SRPK2: variants seen among roughly 807,000 people sequenced by gnomAD.
The protein encoded by SRPK2 is SFRS protein kinase 2.
A neutral mutation model predicts 90.8 loss-of-function variants in SRPK2; 21 were observed. The observed-to-expected ratio is 0.23, with a 90% CI of 0.16 to 0.33. SRPK2 has a LOEUF of 0.33. Ranked by LOEUF, SRPK2 falls within the 10% of genes least tolerant of loss-of-function variation. The pLI, the probability that SRPK2 is intolerant of heterozygous loss-of-function variation, is 1.00. For synonymous variants in SRPK2, 288 were observed against 311.1 expected (o/e 0.93, Z 0.78); for missense variants, 620 against 869.0 (o/e 0.71, Z 3.60).
chr7:105,180,707 G>A (rs1457063900), intron 3 of SRPK2, among the ~76,000 whole-genome samples: 1 of 152,194 alleles, frequency 6.6e-6, no homozygotes, highest in African/African-American at 2.4e-5. Context: ...GCAGTGAGCC[G>A]AGATGGTGCC....
chr7:105,287,033 G>A (rs890955176), intron 2 of SRPK2, among the ~76,000 whole-genome samples: 2 of 151,686 alleles, frequency 1.3e-5, no homozygotes, highest in Admixed American at 6.6e-5. Flanking sequence ...AGGCCGAGGC[G>A]GGCGGATCAC....
At position 105,372,136 on chromosome 7, in the gene SRPK2, TAAAAAAAAAAA is replaced by T. The variant is rs55928342; in HGVS notation, c.71+16501_71+16511del. The stretch of plus-strand genomic sequence containing the variant: ...GGTGACAGAGCAAGACTCCAACTCA[TAAAAAAAAAAA>T]AAAAAAAAAAAAAAAGTTCTCTAGA... On this transcript the variant is annotated intron_variant, in intron 2 of 15. Coordinates refer to ENST00000393651, the MANE Select transcript of SRPK2 (RefSeq NM_182692.3). 9.1e-3 allele frequency among the ~76,000 whole-genome samples: 697 copies of T among 76,790 alleles called. 11 individuals carry two copies. In the East Asian group the frequency reaches 0.16, roughly 17 times the overall value. 50.4% of individuals were successfully genotyped at this position (76,790 alleles called of 152,430 possible).
chr7:105,128,979 A>AT (rs1310100722), intron 13 of SRPK2, among the ~76,000 whole-genome samples: 1 of 151,896 alleles, frequency 6.6e-6, no homozygotes, highest in African/African-American at 2.4e-5. Flanking sequence ...CAATGAAATA[A>AT]TTTTTTTTTG....
chr7:105,183,867 C>T lies in SRPK2; in HGVS notation c.230-14602G>A, dbSNP rs540119800. Among the ~76,000 whole-genome samples the T allele has an allele frequency of 2.0e-5, 3 of 152,130 alleles. No homozygotes were observed. The South Asian group carries it at 6.2e-4, about 32-fold the overall frequency. ...GAAACAAGCTGTTTTTTCTCATACACACAAATACAACTAAGTGTTCAACTT... is the reference window on the plus strand; with the variant it reads ...GAAACAAGCTGTTTTTTCTCATACATACAAATACAACTAAGTGTTCAACTT... On this transcript the variant is annotated intron_variant, in intron 3 of 15. Coordinates refer to ENST00000393651, the MANE Select transcript of SRPK2 (RefSeq NM_182692.3).
intron 2 of SRPK2, among the ~76,000 whole-genome samples, chr7:105,354,280 G>C (rs1817541349): frequency 6.6e-6 from 1 of 152,110 alleles, no homozygotes; most frequent in South Asian, 2.1e-4. Context: ...GACAGCTATG[G>C]GGCAAATTCC....
intron 6 of SRPK2, among the ~76,000 whole-genome samples, chr7:105,163,043 G>A (rs1451278921): frequency 2.0e-5 from 3 of 152,166 alleles, no homozygotes; most frequent in Non-Finnish European, 4.4e-5. Context: ...GAAAAAGGAC[G>A]AGGTAACATT....
At chr7:105,159,464 A>AAAAAAAAAAAAAAAAAAAAAAC (rs1807168874) in intron 7 of SRPK2, among the ~76,000 whole-genome samples, 6 of 141,594 alleles carry the variant, frequency 4.2e-5, no homozygotes, top group African/African-American at 1.8e-4. Flanking sequence ...AAAAAAAAAA[A>AAAAAAAAAAAAAAAAAAAAAAC]AAAAAAAAAC....
intron 2 of SRPK2, among the ~76,000 whole-genome samples, chr7:105,228,870 G>C (rs1468998892): frequency 6.6e-6 from 1 of 152,226 alleles, no homozygotes; most frequent in Non-Finnish European, 1.5e-5. Flanking sequence ...GCTCCCTCCT[G>C]CAAGCGCTGG....
intron 2 of SRPK2, among the ~76,000 whole-genome samples, chr7:105,352,895 A>G (rs1449141772): frequency 6.6e-6 from 1 of 151,830 alleles, no homozygotes; most frequent in African/African-American, 2.4e-5. Flanking sequence ...GCGAGACTCT[A>G]TCTCAAAAGA....
At chr7:105,232,231 C>T (rs371621464) in intron 2 of SRPK2, among the ~76,000 whole-genome samples, 2 of 152,042 alleles carry the variant, frequency 1.3e-5, no homozygotes, top group African/African-American at 2.4e-5. Context: ...CTTTGGGAGG[C>T]GGACAGATCA....
At position 105,347,231 on chromosome 7, in the gene SRPK2, T is replaced by C. The variant is rs185578919; in HGVS notation, c.71+41417A>G. 2.5e-3 allele frequency among the ~76,000 whole-genome samples: 381 copies of C among 152,062 alleles called. 3 individuals carry two copies. The highest frequency in any genetic ancestry group is 0.019 in the South Asian group (93 of 4,810). ...GACATGTGCCACCGCGCCCGGCTAA[T>C]TATTTAATTTAGTAGAGACAGGGTC... On this transcript the variant is annotated intron_variant, in intron 2 of 15. Coordinates refer to ENST00000393651, the MANE Select transcript of SRPK2 (RefSeq NM_182692.3).
Position 105,146,676 on chromosome 7 carries a change from AAG to A in SRPK2, c.622-20_622-19del, listed in dbSNP as rs1303679361. ...TGAAGGACCTGGATATAGTAAAATCAAGAGAGAAGATAAGCTATTAATATCTC... is the reference window on the plus strand; with the variant it reads ...TGAAGGACCTGGATATAGTAAAATCAAGAGAAGATAAGCTATTAATATCTC... On this transcript the variant is annotated intron_variant, in intron 7 of 15. Transcript: ENST00000393651. 1 of 1,612,254 alleles carries A rather than the reference AAG, an allele frequency of 6.2e-7. No individual in the cohort carries two copies.
intron 7 of SRPK2, among the ~76,000 whole-genome samples, chr7:105,147,547 G>A (rs1804831180): frequency 1.3e-5 from 2 of 152,068 alleles, no homozygotes; most frequent in Admixed American, 1.3e-4. Context: ...TCGAACTCCT[G>A]ACCTTGTGAT....
At chr7:105,367,322 G>A (rs1227853806) in intron 2 of SRPK2, among the ~76,000 whole-genome samples, 2 of 152,050 alleles carry the variant, frequency 1.3e-5, no homozygotes, top group Admixed American at 6.6e-5. Flanking sequence ...GAGTGCACTG[G>A]CATGATATTG....
intron 2 of SRPK2, among the ~76,000 whole-genome samples, chr7:105,380,853 T>A (rs768445811): frequency 6.6e-6 from 1 of 150,538 alleles, no homozygotes; most frequent in African/African-American, 2.4e-5. Flanking sequence ...AAATAATTAG[T>A]GGAGCCACAG....
chr7:105,391,491 C>T (rs1331674241), upstream of SRPK2, among the ~76,000 whole-genome samples: 1 of 152,124 alleles, frequency 6.6e-6, no homozygotes, highest in African/African-American at 2.4e-5. Context: ...AGGCATGAGC[C>T]ACTGCGCCCG....
chr7:105,334,209 G>T (rs1046916558), intron 2 of SRPK2, among the ~76,000 whole-genome samples: 1 of 152,180 alleles, frequency 6.6e-6, no homozygotes, highest in East Asian at 1.9e-4. Context: ...AGCCTCCCAA[G>T]TAGCTGGGAC....
At chr7:105,365,576 A>G (rs1180489099) in intron 2 of SRPK2, among the ~76,000 whole-genome samples, 1 of 149,222 alleles carries the variant, frequency 6.7e-6, no homozygotes, top group Non-Finnish European at 1.5e-5. Context: ...ACACTCTGGG[A>G]GGTCAAGGCA....
Position 105,146,434 on chromosome 7 carries a change from G to C in SRPK2, c.787+59C>G, listed in dbSNP as rs968892767. On this transcript the variant is annotated intron_variant, in intron 8 of 15. Transcript: ENST00000393651. The stretch of plus-strand genomic sequence containing the variant: ...TTTGATTCAGATACCTTCAACAACT[G>C]CAACTTTGCAAGCTCCCAATGCCCC... 3.2e-6 allele frequency: 5 copies of C among 1,563,970 alleles called. No individual in the cohort carries two copies. The Admixed American group carries it at 5.8e-5, about 18-fold the overall frequency.
Sources: allele counts gnomAD v4.1 joint callset (sites outside exome capture counted in the v4.1 genomes callset), GRCh38; gene constraint gnomAD v4.1.1; transcripts MANE v1.5; gene names NCBI Gene and HGNC (gene_info 2026-07-23, HGNC 2026-07-21).